Variants in ALX1 observed in about 807,000 individuals in gnomAD.
ALX1 encodes the protein ALX homeobox 1, also known as ALX homeobox protein 1.
ALX1 carries 19 observed loss-of-function variants against 31.7 expected under a neutral mutation model. The ratio of observed to expected loss-of-function variants is 0.60; its 90% CI spans 0.42 to 0.88. The LOEUF (loss-of-function observed/expected upper bound fraction) is 0.88, where lower values mean the gene tolerates loss of function less well. Ranked by LOEUF, ALX1 falls within the 40% of genes least tolerant of loss-of-function variation. The probability of loss-of-function intolerance (pLI) is 0.00; values close to 1 mark genes in which losing one functional copy is unlikely to be tolerated. For synonymous variants in ALX1, 153 were observed against 148.8 expected, an observed-to-expected ratio of 1.03 and a Z score of -0.20; for missense variants, 415 against 407.8, an observed-to-expected ratio of 1.02 and a Z score of -0.15.
chr12:85,284,114 C>A (rs1416730529), intron 2 of ALX1, among the ~76,000 whole-genome samples: 2 of 151,404 alleles, frequency 1.3e-5, no homozygotes, highest in African/African-American at 2.4e-5. Context: ...TAAAAATTAA[C>A]AATCATTCAA....
chr12:85,294,635 T>C (rs544960486), intron 3 of ALX1, among the ~76,000 whole-genome samples: 1 of 151,338 alleles, frequency 6.6e-6, no homozygotes, highest in African/African-American at 2.4e-5. Context: ...TTATATGATG[T>C]TATGCTGAAA....
At chr12:85,284,510 T>C (rs1414627104) in intron 2 of ALX1, among the ~76,000 whole-genome samples, 2 of 152,134 alleles carry the variant, frequency 1.3e-5, no homozygotes, top group Non-Finnish European at 2.9e-5. Flanking sequence ...AGATAAATCA[T>C]ATGAATTTTG....
At position 85,293,517 on chromosome 12, in the gene ALX1, A is replaced by G. The variant is rs1896846837; in HGVS notation, c.660+6536A>G. Among the ~76,000 whole-genome samples, 3 of 151,056 alleles carry G rather than the reference A, an allele frequency of 2.0e-5. No homozygotes were observed. The South Asian group carries it at 6.2e-4, about 31-fold the overall frequency. The stretch of plus-strand genomic sequence containing the variant: ...CTAAAGAGGCAAAGAATATCCTCCA[A>G]AAGAAACAAAGTGCACTCCTGTCAA... On this transcript the variant is annotated intron_variant, in intron 3 of 3. Transcript: ENST00000316824.
At chr12:85,293,399 AT>A (rs1443780277) in intron 3 of ALX1, among the ~76,000 whole-genome samples, 1 of 150,140 alleles carries the variant, frequency 6.7e-6, no homozygotes, top group Non-Finnish European at 1.5e-5. Context: ...ATGAAATGGA[AT>A]TCATTTAATG....
At chr12:85,300,299 T>C (rs373629082) in intron 3 of ALX1, among the ~76,000 whole-genome samples, 1 of 152,054 alleles carries the variant, frequency 6.6e-6, no homozygotes, top group East Asian at 1.9e-4. Context: ...TGTGGAGATT[T>C]AATAATACGA....
chr12:85,301,501 T>C lies in ALX1; in HGVS notation c.*26T>C. ...CATACAGTACTCTTTTATTTTTCTT[T>C]TAATAGCAAAGTTAAACATTCTTAT... On this transcript the variant is annotated 3_prime_UTR_variant, in exon 4 of 4. Coordinates refer to ENST00000316824, the MANE Select transcript of ALX1 (RefSeq NM_006982.3). 1 of 1,606,940 alleles carries C rather than the reference T, an allele frequency of 6.2e-7. No individual in the cohort carries two copies. The highest frequency in any genetic ancestry group is 8.5e-7 in the Non-Finnish European group (1 of 1,175,840).
chr12:85,283,615 C>T lies in ALX1; in HGVS notation c.270C>T (p.Thr90=), dbSNP rs1266026815. The T allele has an allele frequency of 9.9e-6, 16 of 1,613,946 alleles. No homozygotes were observed. Among genetic ancestry groups the T allele is most frequent in the Admixed American group, 8.3e-5 (5 of 59,994 alleles). ...AAGTAGAAGGACAGCCCCTTCACAC[C>T]GAACTGAATAGAGCTATGGACAACT... ...ITKVEGQPLH[T]ELNRAMDNCN... is the part of the protein sequence containing the mutation. The change falls in exon 2 of 4, where the codon ACC becomes ACT. Residue 90 remains threonine, a synonymous_variant. Transcript: ENST00000316824.
At chr12:85,298,731 AT>A (rs1366908570) in intron 3 of ALX1, among the ~76,000 whole-genome samples, 6 of 151,870 alleles carry the variant, frequency 4.0e-5, no homozygotes, top group South Asian at 2.1e-4. Flanking sequence ...TTGTTATCAT[AT>A]TTACTTTACC....
At chr12:85,295,559 C>A (rs1042265927) in intron 3 of ALX1, among the ~76,000 whole-genome samples, 2 of 151,302 alleles carry the variant, frequency 1.3e-5, no homozygotes, top group African/African-American at 4.8e-5. Context: ...AGAGGAAAAC[C>A]AAATCAGTTT....
At chr12:85,291,025 G>A (rs74111944) in intron 3 of ALX1, among the ~76,000 whole-genome samples, 30,422 of 150,770 alleles carry the variant, frequency 0.2, 7,070 homozygotes, top group African/African-American at 0.57. Context: ...AATAGTACAG[G>A]TTCACTTCAA....
In ALX1 at chr12:85,283,891, G is replaced by C. The variant is rs1188324003; in HGVS notation, c.531+15G>C. ...CCAGGGTCCAGGTAGGAGCCAAAAA[G>C]AGGCCTTGATGGATGGGATAGGAAA... On this transcript the variant is annotated intron_variant, in intron 2 of 3. Coordinates refer to ENST00000316824, the MANE Select transcript of ALX1 (RefSeq NM_006982.3). 1.9e-6 allele frequency: 3 copies of C among 1,613,288 alleles called. No homozygotes were observed. The highest frequency in any genetic ancestry group is 1.7e-5 in the Admixed American group (1 of 60,010).
At chr12:85,287,393 GATGTCAA>G (rs909587179) in intron 3 of ALX1, among the ~76,000 whole-genome samples, 3 of 150,314 alleles carry the variant, frequency 2.0e-5, no homozygotes, top group African/African-American at 7.3e-5. Flanking sequence ...ACTAAAACCT[GATGTCAA>G]ATGTGGCCTA....
In ALX1 at chr12:85,286,946, A is replaced by G. The variant is rs765267498; in HGVS notation, c.625A>G (p.Ile209Val). ...AKSHFAATYD[I>V]SVLPRTDSYP... ...AAGCCATTTTGCTGCCACCTATGAT[A>G]TATCAGTTTTGCCAAGGACTGACAG... Residue 209 changes from isoleucine (I) to valine (V), a missense_variant, in exon 3 of 4, where the codon ATA becomes GTA. Ile to Val is a conservative substitution (Grantham distance 29, BLOSUM62 3). Coordinates refer to ENST00000316824, the MANE Select transcript of ALX1 (RefSeq NM_006982.3). 1 of 1,612,282 alleles carries G rather than the reference A, an allele frequency of 6.2e-7. No individual in the cohort carries two copies. The highest frequency in any genetic ancestry group is 8.5e-7 in the Non-Finnish European group (1 of 1,178,636).
chr12:85,291,180 G>C (rs1896813777), intron 3 of ALX1, among the ~76,000 whole-genome samples: 1 of 151,140 alleles, frequency 6.6e-6, no homozygotes, highest in Non-Finnish European at 1.5e-5. Context: ...AAATAGGCTA[G>C]AAAGATTTTG....
intron 3 of ALX1, among the ~76,000 whole-genome samples, chr12:85,288,216 G>T (rs772522024): frequency 2.0e-5 from 3 of 151,466 alleles, no homozygotes; most frequent in Non-Finnish European, 4.4e-5. Flanking sequence ...GTGGGTTCCT[G>T]CAGGAGAGAC....
chr12:85,301,583 A>G lies in ALX1; in HGVS notation c.*108A>G. Reference sequence around the variant, plus strand: ...GCTGTGTGTGGAATTGCTAAAGGTCAAGATATTCAGTGAGACCAGCTTAAA... The same window carrying G: ...GCTGTGTGTGGAATTGCTAAAGGTCGAGATATTCAGTGAGACCAGCTTAAA... On this transcript the variant is annotated 3_prime_UTR_variant, in exon 4 of 4. Transcript: ENST00000316824. 1 of 1,183,126 alleles carries G rather than the reference A, an allele frequency of 8.5e-7. No individual in the cohort carries two copies. Among genetic ancestry groups the G allele is most frequent in the Non-Finnish European group, 1.2e-6 (1 of 818,302 alleles). The allele number at this position is 1,183,126 out of a possible 1,614,324, so 73.3% of individuals were successfully genotyped here.
intron 3 of ALX1, among the ~76,000 whole-genome samples, chr12:85,293,063 A>G (rs1383209019): frequency 1.3e-5 from 2 of 150,756 alleles, no homozygotes; most frequent in Non-Finnish European, 3.0e-5. Context: ...TATGACCAAA[A>G]TGTTACCATC....
chr12:85,297,729 C>T (rs1593053524), intron 3 of ALX1, among the ~76,000 whole-genome samples: 1 of 151,400 alleles, frequency 6.6e-6, no homozygotes, highest in East Asian at 1.9e-4. Context: ...AATACAGAGC[C>T]CCTGAGCCAT....
At chr12:85,288,123 G>A (rs1593049348) in intron 3 of ALX1, among the ~76,000 whole-genome samples, 1 of 151,414 alleles carries the variant, frequency 6.6e-6, no homozygotes, top group African/African-American at 2.4e-5. Flanking sequence ...AAGTCTTGGA[G>A]GTCACCTTGT....
Sources: allele counts gnomAD v4.1 joint callset (sites outside exome capture counted in the v4.1 genomes callset), GRCh38; gene constraint gnomAD v4.1.1; transcripts MANE v1.5; gene names NCBI Gene and HGNC (gene_info 2026-07-23, HGNC 2026-07-21).